Variants in CCDC169 observed in about 807,000 individuals in gnomAD.
The protein encoded by CCDC169 is coiled-coil domain containing 169.
A neutral mutation model predicts 36.0 loss-of-function variants in CCDC169; 30 were observed. The observed-to-expected ratio is 0.83, with a 90% CI of 0.62 to 1.13. CCDC169 has a LOEUF of 1.13. Among genes scored for constraint, CCDC169 ranks in the 50% most tolerant of loss-of-function variants. The pLI is 0.00. For missense variants in CCDC169, 245 were observed against 245.9 expected (o/e 1.00, Z 0.03); for synonymous variants, 85 against 81.5 (o/e 1.04, Z -0.23).
rs1879707570 is a variant in CCDC169, at chr13:36,297,691, T to A, written c.29A>T (p.Asp10Val). 1.9e-6 allele frequency: 3 copies of A among 1,551,282 alleles called. No homozygotes were observed. The highest frequency in any genetic ancestry group is 2.6e-6 in the Non-Finnish European group (3 of 1,147,020). The part of the protein sequence containing the change: MKEERNYNF[D>V]GVSTNRLKQQ... ...TTTCAGGCGGTTGGTGCTCACACCGTCGAAGTTGTAGTTTCTCTCTTCCTT... is the reference window on the plus strand; with the variant it reads ...TTTCAGGCGGTTGGTGCTCACACCGACGAAGTTGTAGTTTCTCTCTTCCTT... The change falls in exon 1 of 8, where the codon GAC becomes GTC. Residue 10 changes from aspartate (D) to valine (V), a missense_variant. Coordinates refer to ENST00000239859, the MANE Select transcript of CCDC169 (RefSeq NM_001144981.3).
rs750090873 is a variant in CCDC169, at chr13:36,248,591, T to C, written c.545+15A>G. The stretch of plus-strand genomic sequence containing the variant: ...AATGTAACGAATTAGAAAGAAAATA[T>C]ATAGCTAGACTTACGTTTTCACTAG... On this transcript the variant is annotated intron_variant, in intron 7 of 7. Transcript: ENST00000239859. The C allele has an allele frequency of 4.5e-6, 7 of 1,546,908 alleles. No individual in the cohort carries two copies. In the South Asian group the frequency reaches 8.4e-5, roughly 19 times the overall value.
At chr13:36,267,255 A>C (rs545795117) in intron 4 of CCDC169, 2 of 152,344 alleles carry the variant, frequency 1.3e-5, no homozygotes, top group South Asian at 4.1e-4. Flanking sequence ...ACACAAATTC[A>C]TGAAGAATTT....
intron 4 of CCDC169, among the ~76,000 whole-genome samples, chr13:36,275,090 G>C (rs1013151013): frequency 7.2e-5 from 11 of 151,800 alleles, no homozygotes; most frequent in African/African-American, 4.8e-5. Flanking sequence ...GGATGGTCTC[G>C]ATCTATGACC....
At chr13:36,289,125 T>G (rs1236316109) in intron 2 of CCDC169, among the ~76,000 whole-genome samples, 1 of 152,180 alleles carries the variant, frequency 6.6e-6, no homozygotes, top group Non-Finnish European at 1.5e-5. Flanking sequence ...AGGTATTACT[T>G]TTCTCTTAAT....
chr13:36,239,947 G>A (rs1380965171), intron 7 of CCDC169, among the ~76,000 whole-genome samples: 1 of 152,086 alleles, frequency 6.6e-6, no homozygotes, highest in African/African-American at 2.4e-5. Context: ...ACAGTATGCT[G>A]TTATAATTAA....
At chr13:36,280,009 G>A (rs985452304) in intron 4 of CCDC169, 8 of 152,014 alleles carry the variant, frequency 5.3e-5, no homozygotes, top group Non-Finnish European at 8.8e-5. Context: ...CATGATGTAC[G>A]TAAATATACT....
In CCDC169 at chr13:36,297,564, A is replaced by C. The variant is rs1044527909; in HGVS notation, c.83+73T>G. ...GTCTTACAGCACCCTCAGCGGCTTC[A>C]GCCCTGAGACTCTGCAGGTGAAGGC... On this transcript the variant is annotated intron_variant, in intron 1 of 7. Transcript: ENST00000239859. 3.5e-6 allele frequency: 5 copies of C among 1,431,400 alleles called. No homozygotes were observed. In the African/African-American group the frequency reaches 5.6e-5, roughly 16 times the overall value. 88.7% of individuals were successfully genotyped at this position (1,431,400 alleles called of 1,614,324 possible).
intron 7 of CCDC169, among the ~76,000 whole-genome samples, chr13:36,233,066 A>G (rs1238732143): frequency 2.0e-5 from 3 of 152,214 alleles, no homozygotes; most frequent in African/African-American, 4.8e-5. Flanking sequence ...AGCAGGAAGT[A>G]AAGAATAAGG....
chr13:36,249,640 G>A (rs1440302120), intron 6 of CCDC169, among the ~76,000 whole-genome samples: 1 of 152,172 alleles, frequency 6.6e-6, no homozygotes, highest in Non-Finnish European at 1.5e-5. Context: ...TAAAGTAAAA[G>A]TTTGTTTTTA....
intron 7 of CCDC169, among the ~76,000 whole-genome samples, chr13:36,237,312 G>C (rs924740908): frequency 3.3e-5 from 5 of 151,998 alleles, no homozygotes; most frequent in African/African-American, 4.8e-5. Context: ...ATAAGGATGT[G>C]GAGAAATTGG....
intron 4 of CCDC169, among the ~76,000 whole-genome samples, chr13:36,256,248 C>T (rs1465140354): frequency 6.6e-6 from 1 of 152,200 alleles, no homozygotes; most frequent in East Asian, 1.9e-4. Context: ...TTTCTCAGCT[C>T]ACTGTTTTAG....
At chr13:36,291,596 A>G (rs1267123722) in intron 2 of CCDC169, among the ~76,000 whole-genome samples, 1 of 152,076 alleles carries the variant, frequency 6.6e-6, no homozygotes, top group Non-Finnish European at 1.5e-5. Context: ...AATCTTTATA[A>G]CTGTATCACT....
intron 2 of CCDC169, among the ~76,000 whole-genome samples, chr13:36,285,994 T>G (rs1433636354): frequency 2.6e-5 from 4 of 152,214 alleles, no homozygotes; most frequent in Non-Finnish European, 5.9e-5. Flanking sequence ...GACCTCGCTT[T>G]TGTTAATTGA....
rs781508880 is a variant in CCDC169, at chr13:36,230,811, A to C, written c.*382T>G. 2.6e-4 allele frequency: 253 copies of C among 989,154 alleles called. No homozygotes were observed. Among genetic ancestry groups the C allele is most frequent in the Non-Finnish European group, 2.9e-4 (244 of 832,608 alleles). The allele number at this position is 989,154 out of a possible 1,614,324, so 61.3% of individuals were successfully genotyped here. ...AAACCTGCAATTTAAAAAACTGAGC[A>C]AGATCCAGCCCAAAATGGCAAAAAG... On this transcript the variant is annotated 3_prime_UTR_variant, in exon 8 of 8. Transcript: ENST00000239859.
intron 4 of CCDC169, among the ~76,000 whole-genome samples, chr13:36,261,262 G>A (rs1874570749): frequency 6.6e-6 from 1 of 152,074 alleles, no homozygotes; most frequent in Admixed American, 6.6e-5. Context: ...TCAACAGCAT[G>A]GGTCCCTTCC....
At chr13:36,290,120 CA>C (rs1457558053) in intron 2 of CCDC169, among the ~76,000 whole-genome samples, 1 of 152,120 alleles carries the variant, frequency 6.6e-6, no homozygotes, top group Non-Finnish European at 1.5e-5. Context: ...CTAAAGAAGG[CA>C]GTGACTCCTG....
chr13:36,283,618 A>G lies in CCDC169; in HGVS notation c.248T>C (p.Val83Ala). The G allele has an allele frequency of 6.4e-7, 1 of 1,551,354 alleles. No individual in the cohort carries two copies. The highest frequency in any genetic ancestry group is 8.7e-7 in the Non-Finnish European group (1 of 1,146,824). Residue 83 changes from valine to alanine, a missense_variant, in exon 3 of 8, where the codon GTG becomes GCG. Val to Ala is a moderately conservative substitution (Grantham distance 64). Coordinates refer to ENST00000239859, the MANE Select transcript of CCDC169 (RefSeq NM_001144981.3). ...EKQIVYLKEK[V>A]EKIHGNSSDR... is the part of the protein sequence containing the mutation. ...TGAAGAGTTTCCATGGATTTTTTCC[A>G]CTTTCTCCTTGAGATAAACAATTTG... is the stretch of plus-strand genomic sequence containing the variant.
At position 36,297,623 on chromosome 13, in the gene CCDC169, G is replaced by C. The variant is rs1429894790; in HGVS notation, c.83+14C>G. 1 of 1,548,256 alleles carries C rather than the reference G, an allele frequency of 6.5e-7. No homozygotes were observed. Among genetic ancestry groups the C allele is most frequent in the Non-Finnish European group, 8.7e-7 (1 of 1,146,840 alleles). Reference sequence around the variant, plus strand: ...TGTGGACGGGACCCCACACCGCGCCGCCCGCCGACTCACTTCTTGCGGACT... The same window carrying C: ...TGTGGACGGGACCCCACACCGCGCCCCCCGCCGACTCACTTCTTGCGGACT... On this transcript the variant is annotated intron_variant, in intron 1 of 7. Transcript: ENST00000239859.
intron 4 of CCDC169, among the ~76,000 whole-genome samples, chr13:36,259,103 T>C (rs1464135496): frequency 6.6e-6 from 1 of 152,188 alleles, no homozygotes; most frequent in East Asian, 1.9e-4. Flanking sequence ...CCCAGGATCC[T>C]GCTCCCTCGG....
Sources: gnomAD v4.1 joint callset for allele counts (sites outside exome capture counted in the v4.1 genomes callset) on GRCh38, gnomAD v4.1.1 for gene constraint, MANE v1.5 for transcripts, NCBI Gene and HGNC (gene_info 2026-07-23, HGNC 2026-07-21) for gene names.